The following AP1S3 variants were observed in gnomAD, a reference collection of about 807,000 sequenced individuals.
AP1S3 encodes the protein AP-1 complex subunit sigma-3.
In AP1S3, 10 loss-of-function variants were observed where a neutral mutation model predicts 20.9. The observed-to-expected ratio is 0.48, with a 90% CI of 0.29 to 0.81. The LOEUF is 0.81. Ranked by LOEUF, AP1S3 falls within the 30% of genes least tolerant of loss-of-function variation. AP1S3 has a pLI of 0.08. For missense variants in AP1S3, 154 were observed against 183.8 expected, an observed-to-expected ratio of 0.84 and a Z score of 0.94; for synonymous variants, 41 against 61.5, an observed-to-expected ratio of 0.67 and a Z score of 1.56.
Position 223,777,729 on chromosome 2 carries a change from A to C in AP1S3, c.144T>G (p.Ser48Arg), listed in dbSNP as rs1381113791. The C allele has an allele frequency of 6.2e-7, 1 of 1,613,600 alleles. No homozygotes were observed. The highest frequency in any genetic ancestry group is 2.2e-5 in the East Asian group (1 of 44,874). ...IILSRGHRTSSFVDWKELKLV... is the reference protein window; with the variant it reads ...IILSRGHRTSRFVDWKELKLV... ...GTTTTAGCTCCTTCCAGTCAACAAA[A>C]CTGCTTGTCCTGTGACCACGGGAGA... Residue 48 changes from serine to arginine, a missense_variant, in exon 2 of 5, where the codon AGT (serine) becomes AGG (arginine). Ser to Arg is a moderately radical substitution (Grantham distance 110). Transcript: ENST00000396654.
chr2:223,774,839 T>C (rs1218327957), intron 3 of AP1S3, among the ~76,000 whole-genome samples: 3 of 151,946 alleles, frequency 2.0e-5, no homozygotes, highest in Non-Finnish European at 4.4e-5. Context: ...AGTAGATGAG[T>C]TTGGTTCTGG....
At chr2:223,766,663 T>C (rs1257229020) in intron 3 of AP1S3, among the ~76,000 whole-genome samples, 1 of 152,222 alleles carries the variant, frequency 6.6e-6, no homozygotes, top group Non-Finnish European at 1.5e-5. Context: ...CTCAAGGATC[T>C]AGAGCCAGAA....
chr2:223,828,773 T>C lies in AP1S3; in HGVS notation c.3+8675A>G, dbSNP rs530716289. ...CCCTGCATTCAGAAGGACCCAAAAC[T>C]TGGTTTAATGCTCTGCTGTCACTAT... is the stretch of plus-strand genomic sequence containing the variant. On this transcript the variant is annotated intron_variant, in intron 1 of 4. Transcript: ENST00000396654. Among the ~76,000 whole-genome samples, 4 of 152,292 alleles carry C rather than the reference T, an allele frequency of 2.6e-5. No homozygotes were observed. The South Asian group carries it at 8.3e-4, about 32-fold the overall frequency.
At chr2:223,787,775 C>T (rs1691110898) in intron 1 of AP1S3, among the ~76,000 whole-genome samples, 2 of 152,068 alleles carry the variant, frequency 1.3e-5, no homozygotes, top group Non-Finnish European at 2.9e-5. Context: ...CAAACTACAC[C>T]ATACGATAAG....
intron 1 of AP1S3, among the ~76,000 whole-genome samples, chr2:223,814,364 T>C (rs913049705): frequency 2.0e-5 from 3 of 152,154 alleles, no homozygotes; most frequent in Non-Finnish European, 4.4e-5. Flanking sequence ...TTCTGCCCCA[T>C]CTAGTTCATA....
At chr2:223,832,737 C>T (rs1053952702) in intron 1 of AP1S3, among the ~76,000 whole-genome samples, 1 of 151,370 alleles carries the variant, frequency 6.6e-6, no homozygotes, top group African/African-American at 2.4e-5. Context: ...GTTCATAGTT[C>T]GGTTTTTCCA....
chr2:223,756,676 T>C lies in AP1S3; in HGVS notation c.*2039A>G. On this transcript the variant is annotated 3_prime_UTR_variant, in exon 5 of 5. Transcript: ENST00000396654. ...ATTTTATATGCTAATCTGAGTTATT[T>C]CCTTTGAACAATGGTTATATTGAGG... 3.0e-6 allele frequency: 3 copies of C among 985,412 alleles called. No individual in the cohort carries two copies. The highest frequency in any genetic ancestry group is 3.6e-6 in the Non-Finnish European group (3 of 829,908). 61.0% of individuals were successfully genotyped at this position (985,412 alleles called of 1,614,324 possible). A position where few individuals can be genotyped will look rare whatever the true frequency, so the allele number is the denominator to read the frequency against.
intron 4 of AP1S3, among the ~76,000 whole-genome samples, chr2:223,763,228 C>G (rs1244892643): frequency 6.6e-6 from 1 of 152,166 alleles, no homozygotes; most frequent in African/African-American, 2.4e-5. Context: ...CCCATCAAGC[C>G]CCTCCACTCA....
chr2:223,809,874 A>T (rs888433234), intron 1 of AP1S3, among the ~76,000 whole-genome samples: 2 of 151,522 alleles, frequency 1.3e-5, no homozygotes, highest in Non-Finnish European at 2.9e-5. Context: ...GAATACAGAC[A>T]CACGCCACCA....
At chr2:223,768,509 C>G (rs1690533976) in intron 3 of AP1S3, among the ~76,000 whole-genome samples, 5 of 152,072 alleles carry the variant, frequency 3.3e-5, no homozygotes. Context: ...TGGTTTCTGG[C>G]ACATTGTAAG....
chr2:223,813,863 T>A (rs1420536777), intron 1 of AP1S3, among the ~76,000 whole-genome samples: 1 of 152,120 alleles, frequency 6.6e-6, no homozygotes, highest in Non-Finnish European at 1.5e-5. Flanking sequence ...GAAACCCCAA[T>A]GAGGCCAAAA....
chr2:223,770,117 C>T (rs919509558), intron 3 of AP1S3: 57 of 1,504,818 alleles, frequency 3.8e-5, no homozygotes, highest in Non-Finnish European at 5.1e-5. Flanking sequence ...CAGTTTTAAA[C>T]AATAGAAAGA....
intron 1 of AP1S3, among the ~76,000 whole-genome samples, chr2:223,824,771 A>C (rs1487297458): frequency 6.6e-6 from 1 of 151,854 alleles, no homozygotes; most frequent in Non-Finnish European, 1.5e-5. Context: ...CTGACATCAA[A>C]TGATCCACCC....
At chr2:223,823,348 C>T (rs558965847) in intron 1 of AP1S3, among the ~76,000 whole-genome samples, 4 of 152,232 alleles carry the variant, frequency 2.6e-5, no homozygotes, top group African/African-American at 9.6e-5. Context: ...CCTAAATGTC[C>T]GTCAGTGGAT....
At chr2:223,818,434 ATG>A (rs796395945) in intron 1 of AP1S3, among the ~76,000 whole-genome samples, 11 of 151,752 alleles carry the variant, frequency 7.2e-5, no homozygotes, top group African/African-American at 1.4e-4. Flanking sequence ...AAAAAAAAAA[ATG>A]TCCAAGGTTC....
intron 1 of AP1S3, among the ~76,000 whole-genome samples, chr2:223,827,268 T>G (rs6704726): frequency 0.32 from 48,851 of 152,012 alleles, 8,265 homozygotes; most frequent in Middle Eastern, 0.42. Context: ...AGGTAAGTAC[T>G]TGTTTATACA....
At chr2:223,827,700 C>T (rs2106131500) in intron 1 of AP1S3, among the ~76,000 whole-genome samples, 1 of 151,506 alleles carries the variant, frequency 6.6e-6, no homozygotes, top group Middle Eastern at 3.4e-3. Context: ...TTGTTTATTT[C>T]ATCAGTTTAA....
intron 3 of AP1S3, among the ~76,000 whole-genome samples, chr2:223,774,848 G>A (rs1304535166): frequency 6.6e-6 from 1 of 152,156 alleles, no homozygotes; most frequent in Non-Finnish European, 1.5e-5. Flanking sequence ...GTTTGGTTCT[G>A]GGCCATGAGA....
intron 3 of AP1S3, among the ~76,000 whole-genome samples, chr2:223,772,834 G>A (rs1690666294): frequency 6.6e-6 from 1 of 152,130 alleles, no homozygotes; most frequent in African/African-American, 2.4e-5. Context: ...GAAAATCAAA[G>A]AGAAATATTT....
Sources: gnomAD v4.1 joint callset for allele counts (sites outside exome capture counted in the v4.1 genomes callset) on GRCh38, gnomAD v4.1.1 for gene constraint, MANE v1.5 for transcripts, NCBI Gene and HGNC (gene_info 2026-07-23, HGNC 2026-07-21) for gene names.